TBC1D22A: variants seen among roughly 807,000 people sequenced by gnomAD.
TBC1D22A encodes putative GTPase activator.
TBC1D22A carries 38 observed loss-of-function variants against 60.2 expected under a neutral mutation model. The ratio of observed to expected loss-of-function variants is 0.63; its 90% CI spans 0.49 to 0.83. The LOEUF (loss-of-function observed/expected upper bound fraction) is 0.83, where lower values mean the gene tolerates loss of function less well. Ranked by LOEUF, TBC1D22A falls within the 40% of genes least tolerant of loss-of-function variation. The pLI is 0.00. For missense variants in TBC1D22A, 628 were observed against 701.0 expected (o/e 0.90, Z 1.18); for synonymous variants, 302 against 281.7 (o/e 1.07, Z -0.72).
intron 11 of TBC1D22A, among the ~76,000 whole-genome samples, chr22:47,068,454 T>C (rs2063853279): frequency 6.6e-6 from 1 of 152,260 alleles, no homozygotes; most frequent in South Asian, 2.1e-4. Flanking sequence ...ATAGCTCTTC[T>C]GGTGGGGACT....
At chr22:47,096,184 A>T (rs899979099) in intron 11 of TBC1D22A, among the ~76,000 whole-genome samples, 4 of 152,190 alleles carry the variant, frequency 2.6e-5, no homozygotes, top group Non-Finnish European at 5.9e-5. Flanking sequence ...TTAGAAACAC[A>T]TTTCACATGT....
rs1089343 is a variant in TBC1D22A at position 46,820,817 on chromosome 22, T to A, written c.637+23197T>A. Among the ~76,000 whole-genome samples the A allele has an allele frequency of 1.8e-3, 281 of 152,182 alleles. 8 individuals are homozygous for A. The East Asian group carries it at 0.04, about 22-fold the overall frequency. On this transcript the variant is annotated intron_variant, in intron 4 of 12. Transcript: ENST00000337137. Reference sequence around the variant, plus strand: ...TTCTGTCTTGTTGATCTAATACTGATAGTGGGGTGTTAAAGTCTCCCACTG... The same window carrying A: ...TTCTGTCTTGTTGATCTAATACTGAAAGTGGGGTGTTAAAGTCTCCCACTG...
chr22:46,843,936 T>C (rs1340749391), intron 4 of TBC1D22A, among the ~76,000 whole-genome samples: 1 of 151,970 alleles, frequency 6.6e-6, no homozygotes, highest in African/African-American at 2.4e-5. Flanking sequence ...TGCCGTTGGC[T>C]GTGCTGGGGC....
rs1485808665 is a variant in TBC1D22A at position 46,997,700 on chromosome 22, C to T, written c.1192C>T (p.Arg398Trp). 8 of 1,613,918 alleles carry T rather than the reference C, an allele frequency of 5.0e-6. No homozygotes were observed. Among genetic ancestry groups the T allele is most frequent in the Admixed American group, 1.7e-5 (1 of 60,022 alleles). ...GAAAATGTTAGAAGAACTCGTGAGCCGGATTGATGGTAAGCCAGCTTCCCG... is the reference window on the plus strand; with the variant it reads ...GAAAATGTTAGAAGAACTCGTGAGCTGGATTGATGGTAAGCCAGCTTCCCG... ...KVKMLEELVS[R>W]IDEQVHRHLD... Residue 398 changes from arginine (R) to tryptophan (W), a missense_variant, in exon 10 of 13, where the codon CGG becomes TGG. Transcript: ENST00000337137.
At chr22:47,053,214 G>A (rs753766452) in intron 11 of TBC1D22A, among the ~76,000 whole-genome samples, 1 of 152,200 alleles carries the variant, frequency 6.6e-6, no homozygotes, top group Non-Finnish European at 1.5e-5. Flanking sequence ...GGCCTGGAGG[G>A]CTCCTCTGCC....
At chr22:47,046,325 G>T (rs1358453019) in intron 11 of TBC1D22A, among the ~76,000 whole-genome samples, 2 of 152,184 alleles carry the variant, frequency 1.3e-5, no homozygotes, top group Admixed American at 1.3e-4. Flanking sequence ...CCTCGTGGGG[G>T]CATCTGTAGG....
intron 4 of TBC1D22A, among the ~76,000 whole-genome samples, chr22:46,809,913 C>A (rs1280459834): frequency 6.6e-6 from 1 of 152,314 alleles, no homozygotes; most frequent in East Asian, 1.9e-4. Flanking sequence ...TCATCCTCCT[C>A]TCCCATGCTG....
chr22:47,086,322 G>T (rs890087014), intron 11 of TBC1D22A, among the ~76,000 whole-genome samples: 1 of 152,208 alleles, frequency 6.6e-6, no homozygotes, highest in Non-Finnish European at 1.5e-5. Context: ...GGGCGTGGTG[G>T]CAGGCGCCTG....
At chr22:46,974,441 C>G in intron 9 of TBC1D22A, 42 bp downstream of exon 9, 1 of 1,536,952 alleles carries the variant, frequency 6.5e-7, no homozygotes, top group South Asian at 1.2e-5. Context: ...CGCCCACAGC[C>G]CCTGCGGTGA....
intron 8 of TBC1D22A, among the ~76,000 whole-genome samples, chr22:46,932,262 C>T (rs191340963): frequency 6.6e-6 from 1 of 152,336 alleles, no homozygotes; most frequent in East Asian, 1.9e-4. Flanking sequence ...TGTGACTCCC[C>T]CAGGTTGCCC....
At chr22:46,945,684 G>T (rs2072492034) in intron 8 of TBC1D22A, among the ~76,000 whole-genome samples, 1 of 152,214 alleles carries the variant, frequency 6.6e-6, no homozygotes, top group Admixed American at 6.5e-5. Flanking sequence ...TCCTCTGTGG[G>T]CCTGTACAGG....
At chr22:46,895,300 A>G (rs138031440) in intron 7 of TBC1D22A, among the ~76,000 whole-genome samples, 206 of 152,086 alleles carry the variant, frequency 1.4e-3, no homozygotes, top group African/African-American at 4.7e-3. Context: ...TAGGGACACA[A>G]TGTATTCATT....
intron 4 of TBC1D22A, among the ~76,000 whole-genome samples, chr22:46,803,516 A>G (rs1273255704): frequency 6.6e-6 from 1 of 152,208 alleles, no homozygotes; most frequent in African/African-American, 2.4e-5. Flanking sequence ...CCCGGCCGTC[A>G]GCGTTCAGCG....
At chr22:47,019,167 G>A (rs1056889899) in intron 10 of TBC1D22A, among the ~76,000 whole-genome samples, 1 of 152,228 alleles carries the variant, frequency 6.6e-6, no homozygotes, top group Admixed American at 6.5e-5. Context: ...TTCACTTTCC[G>A]AGTGGCCTCC....
At chr22:46,852,343 G>GGCT (rs560488514) in intron 4 of TBC1D22A, among the ~76,000 whole-genome samples, 179 of 152,292 alleles carry the variant, frequency 1.2e-3, no homozygotes, top group African/African-American at 4.1e-3. Flanking sequence ...CCAGGGTGGC[G>GGCT]GCTGCTGCTG....
At chr22:46,968,498 G>A (rs1458633376) in intron 8 of TBC1D22A, among the ~76,000 whole-genome samples, 6 of 149,384 alleles carry the variant, frequency 4.0e-5, no homozygotes, top group East Asian at 1.9e-4. Flanking sequence ...TCCTCACTGC[G>A]TGGCCGGCGG....
intron 4 of TBC1D22A, among the ~76,000 whole-genome samples, chr22:46,798,010 T>G (rs549971836): frequency 6.6e-6 from 1 of 152,318 alleles, no homozygotes; most frequent in African/African-American, 2.4e-5. Flanking sequence ...TATGTGGGAC[T>G]ACAGGATTGT....
chr22:46,862,791 G>T (rs2087973660), intron 4 of TBC1D22A, among the ~76,000 whole-genome samples: 1 of 152,184 alleles, frequency 6.6e-6, no homozygotes, highest in Non-Finnish European at 1.5e-5. Context: ...GCAGCTGAGA[G>T]GCCGGATGCT....
At chr22:46,908,194 G>A (rs1286748433) in intron 7 of TBC1D22A, among the ~76,000 whole-genome samples, 1 of 152,236 alleles carries the variant, frequency 6.6e-6, no homozygotes, top group Non-Finnish European at 1.5e-5. Context: ...GACTGTCACT[G>A]CGGACCAGGC....
Sources: gnomAD v4.1 joint callset for allele counts (sites outside exome capture counted in the v4.1 genomes callset) on GRCh38, gnomAD v4.1.1 for gene constraint, MANE v1.5 for transcripts, NCBI Gene and HGNC (gene_info 2026-07-23, HGNC 2026-07-21) for gene names.